The following ADAM22 variants were observed in gnomAD, a reference collection of about 807,000 sequenced individuals.
ADAM22 encodes the protein disintegrin and metalloproteinase domain-containing protein 22.
In ADAM22, 65 loss-of-function variants were observed where a neutral mutation model predicts 144.6. The ratio of observed to expected loss-of-function variants is 0.45; its 90% confidence interval spans 0.37 to 0.55. The LOEUF is 0.55. Ranked by LOEUF, ADAM22 falls within the 20% of genes least tolerant of loss-of-function variation. ADAM22 has a pLI of 0.00. For missense variants in ADAM22, 974 were observed against 1,184.9 expected, an observed-to-expected ratio of 0.82 and a Z score of 2.61; for synonymous variants, 391 against 412.6, an observed-to-expected ratio of 0.95 and a Z score of 0.63.
intron 2 of ADAM22, among the ~76,000 whole-genome samples, chr7:87,971,236 C>T (rs1850377447): frequency 6.6e-6 from 1 of 152,020 alleles, no homozygotes; most frequent in Admixed American, 6.6e-5. Flanking sequence ...TCTAAAAATG[C>T]TCTTTAGAGT....
At chr7:88,061,482 C>A (rs1453153391) in intron 3 of ADAM22, among the ~76,000 whole-genome samples, 1 of 152,148 alleles carries the variant, frequency 6.6e-6, no homozygotes, top group Non-Finnish European at 1.5e-5. Context: ...CTGTGGGCTG[C>A]AAAATGGATG....
chr7:88,096,399 C>A (rs1244364266), intron 4 of ADAM22, among the ~76,000 whole-genome samples: 2 of 151,528 alleles, frequency 1.3e-5, no homozygotes, highest in African/African-American at 4.8e-5. Context: ...TACCAATCTT[C>A]TTTTCTATAT....
chr7:88,161,202 A>AC (rs1563359359), intron 22 of ADAM22, among the ~76,000 whole-genome samples: 1 of 151,760 alleles, frequency 6.6e-6, no homozygotes, highest in East Asian at 1.9e-4. Flanking sequence ...GGAAAAAAAA[A>AC]AAAACAAGTA....
At chr7:88,068,015 T>C (rs1811733227) in intron 3 of ADAM22, among the ~76,000 whole-genome samples, 1 of 152,198 alleles carries the variant, frequency 6.6e-6, no homozygotes, top group Admixed American at 6.5e-5. Context: ...AACATAAACA[T>C]TTTAAATACC....
chr7:88,179,869 T>G (rs1253374964), intron 27 of ADAM22, among the ~76,000 whole-genome samples: 1 of 152,144 alleles, frequency 6.6e-6, no homozygotes, highest in East Asian at 1.9e-4. Context: ...TTTATTTATT[T>G]AAAGTTGCCA....
chr7:88,085,570 A>T (rs1208338782), intron 4 of ADAM22, among the ~76,000 whole-genome samples: 1 of 152,220 alleles, frequency 6.6e-6, no homozygotes, highest in Non-Finnish European at 1.5e-5. Flanking sequence ...CAAAATCATG[A>T]TAAATCTTTT....
chr7:88,082,927 T>TG (rs1286616080), intron 4 of ADAM22, among the ~76,000 whole-genome samples: 1 of 152,200 alleles, frequency 6.6e-6, no homozygotes, highest in Non-Finnish European at 1.5e-5. Flanking sequence ...GAAGTCAGTG[T>TG]GGCGATTCCT....
At position 88,196,635 on chromosome 7, in the gene ADAM22, T is replaced by C; in HGVS notation, c.*144T>C. On this transcript the variant is annotated 3_prime_UTR_variant, in exon 32 of 32. Coordinates refer to ENST00000413139, the MANE Select transcript of ADAM22 (RefSeq NM_001324418.2). ...ATGCTACAGAGGAGAGGAAGCGGAG[T>C]TTCACATCTGGTTACCATTTTCTTT... 3 of 847,010 alleles carry C rather than the reference T, an allele frequency of 3.5e-6. No individual in the cohort carries two copies. The highest frequency in any genetic ancestry group is 5.7e-6 in the Non-Finnish European group (3 of 526,112). The allele number at this position is 847,010 out of a possible 1,614,324, so 52.5% of individuals were successfully genotyped here.
chr7:87,944,424 C>G (rs538914593), intron 2 of ADAM22, among the ~76,000 whole-genome samples: 1 of 152,264 alleles, frequency 6.6e-6, no homozygotes, highest in South Asian at 2.1e-4. Flanking sequence ...TTTGATTTCC[C>G]TAGTGGATTT....
intron 3 of ADAM22, among the ~76,000 whole-genome samples, chr7:87,990,116 C>G (rs1789441601): frequency 6.6e-6 from 1 of 151,956 alleles, no homozygotes. Context: ...TTGATGTACT[C>G]TATATACAGG....
At chr7:88,005,743 A>G (rs995711944) in intron 3 of ADAM22, among the ~76,000 whole-genome samples, 5 of 152,202 alleles carry the variant, frequency 3.3e-5, no homozygotes, top group African/African-American at 1.2e-4. Flanking sequence ...GGTTGAATCC[A>G]GGTTCATTAG....
At position 87,935,051 on chromosome 7, in the gene ADAM22, G is replaced by A. The variant is rs762182774; in HGVS notation, c.111G>A (p.Glu37=). ...GAGACGCCTCATTGATGGAGCTAGA[G>A]AAGAGGAAGGAAAACCGCTTCGTGG... ...QAGDASLMEL[E]KRKENRFVER... is the part of the protein sequence containing the mutation. Residue 37 remains glutamate (E), a synonymous_variant, in exon 2 of 32, where the codon GAG becomes GAA. Transcript: ENST00000413139. The A allele has an allele frequency of 6.2e-7, 1 of 1,614,234 alleles. No homozygotes were observed. The highest frequency in any genetic ancestry group is 1.7e-5 in the Admixed American group (1 of 60,032).
At chr7:87,952,502 A>C (rs941519345) in intron 2 of ADAM22, among the ~76,000 whole-genome samples, 6 of 151,930 alleles carry the variant, frequency 3.9e-5, no homozygotes, top group Non-Finnish European at 8.8e-5. Context: ...CCACTTGATC[A>C]TGGTGGATAA....
intron 4 of ADAM22, among the ~76,000 whole-genome samples, chr7:88,099,291 A>C (rs1489225083): frequency 6.6e-6 from 1 of 152,230 alleles, no homozygotes; most frequent in Non-Finnish European, 1.5e-5. Flanking sequence ...CCTGGGTCAG[A>C]GACGAAGGAC....
intron 4 of ADAM22, among the ~76,000 whole-genome samples, chr7:88,107,950 A>G (rs915981820): frequency 6.6e-5 from 10 of 152,204 alleles, no homozygotes; most frequent in Admixed American, 5.9e-4. Flanking sequence ...CATAAAAGAA[A>G]GGTCAAGTCA....
rs376365042 is a variant in ADAM22, at chr7:88,019,415, C to T, written c.323+41003C>T. Among the ~76,000 whole-genome samples, 16 of 152,158 alleles carry T rather than the reference C, an allele frequency of 1.1e-4. No individual in the cohort carries two copies. In the South Asian group the frequency reaches 3.3e-3, roughly 32 times the overall value. On this transcript the variant is annotated intron_variant, in intron 3 of 31. Transcript: ENST00000413139. ...GCTTGAATCTGGGAGGTGGAGGTTG[C>T]AGTGAGCCGAGATCATGCCACTGGA...
intron 3 of ADAM22, among the ~76,000 whole-genome samples, chr7:87,988,287 G>T (rs772803132): frequency 6.6e-6 from 1 of 152,118 alleles, no homozygotes; most frequent in African/African-American, 2.4e-5. Flanking sequence ...TTGCAGAATG[G>T]CATCTTGGTC....
chr7:88,130,455 A>G lies in ADAM22; in HGVS notation c.821A>G (p.Asp274Gly). 6.2e-7 allele frequency: 1 copy of G among 1,612,770 alleles called. No individual in the cohort carries two copies. Among genetic ancestry groups the G allele is most frequent in the Non-Finnish European group, 8.5e-7 (1 of 1,179,022 alleles). The change falls in exon 10 of 32, where the codon GAT (aspartate) becomes GGT (glycine). Residue 274 changes from aspartate (D) to glycine (G), a missense_variant. Asp to Gly is a moderately conservative substitution (Grantham distance 94). Around this residue, in one of 2 missense-constraint regions of ADAM22, gnomAD observed 734 missense variants for 950.6 expected, o/e 0.77. Coordinates refer to ENST00000413139, the MANE Select transcript of ADAM22 (RefSeq NM_001324418.2). ...GCGAAATCTGTGGTGAACATGGCAG[A>G]TTTAGTAAGTATCAACCCCGTTCAT... ...TYAKSVVNMA[D>G]LIYKDQLKTR...
intron 4 of ADAM22, among the ~76,000 whole-genome samples, chr7:88,105,689 C>T (rs1259401315): frequency 2.0e-5 from 3 of 152,190 alleles, no homozygotes; most frequent in Non-Finnish European, 4.4e-5. Context: ...GGATAGGACA[C>T]AGGCCTTGTA....
Sources: gnomAD v4.1 joint callset for allele counts (sites outside exome capture counted in the v4.1 genomes callset) on GRCh38, gnomAD v4.1.1 for gene constraint, gnomAD v4.1.1 regional missense constraint, MANE v1.5 for transcripts, NCBI Gene and HGNC (gene_info 2026-07-23, HGNC 2026-07-21) for gene names.